Variants in SLC5A8 observed in about 807,000 individuals in gnomAD.
The protein encoded by SLC5A8 is solute carrier family 5 member 8.
In SLC5A8, 55 loss-of-function variants were observed where a neutral mutation model predicts 71.9. The observed-to-expected ratio is 0.77, with a 90% confidence interval of 0.62 to 0.96. The LOEUF (loss-of-function observed/expected upper bound fraction) is 0.96, where lower values mean the gene tolerates loss of function less well. Among genes scored for constraint, SLC5A8 ranks in the 40% least tolerant of loss-of-function variants. The probability of loss-of-function intolerance (pLI) is 0.00; values close to 1 mark genes in which losing one functional copy is unlikely to be tolerated. For missense variants in SLC5A8, 701 were observed against 745.3 expected (o/e 0.94, Z 0.69); for synonymous variants, 307 against 276.1 (o/e 1.11, Z -1.11).
intron 13 of SLC5A8, among the ~76,000 whole-genome samples, chr12:101,158,679 T>A (rs2051698382): frequency 7.0e-6 from 1 of 142,080 alleles, no homozygotes; most frequent in Non-Finnish European, 1.5e-5. Context: ...GCAAGCCAAC[T>A]GCTTCATCTG....
chr12:101,178,822 T>TAAAAAAAAAAAAAAAAAA (rs3084371), intron 10 of SLC5A8, among the ~76,000 whole-genome samples: 1 of 146,968 alleles, frequency 6.8e-6, no homozygotes. Flanking sequence ...TTATCCAAAC[T>TAAAAAAAAAAAAAAAAAA]AAAAAAAAAA....
At chr12:101,178,001 T>C (rs1231491896) in intron 10 of SLC5A8, among the ~76,000 whole-genome samples, 1 of 152,066 alleles carries the variant, frequency 6.6e-6, no homozygotes, top group Non-Finnish European at 1.5e-5. Flanking sequence ...CAAAACAAAC[T>C]AAACCATAAA....
intron 3 of SLC5A8, among the ~76,000 whole-genome samples, chr12:101,197,088 G>A (rs1208522420): frequency 6.6e-6 from 1 of 152,162 alleles, no homozygotes; most frequent in East Asian, 1.9e-4. Flanking sequence ...CCATGAGTTC[G>A]TAAGAATTTT....
At chr12:101,184,949 G>A (rs750820554) in intron 7 of SLC5A8, among the ~76,000 whole-genome samples, 11 of 152,172 alleles carry the variant, frequency 7.2e-5, no homozygotes, top group Admixed American at 5.2e-4. Context: ...ATCAGTTTCC[G>A]AATCAAAAGA....
At chr12:101,164,619 C>T (rs1392765600) in intron 12 of SLC5A8, among the ~76,000 whole-genome samples, 2 of 151,724 alleles carry the variant, frequency 1.3e-5, no homozygotes, top group Non-Finnish European at 2.9e-5. Context: ...TTTCTTCATT[C>T]TGCGACACAC....
chr12:101,186,021 G>A (rs1316897941), intron 7 of SLC5A8, among the ~76,000 whole-genome samples: 2 of 151,432 alleles, frequency 1.3e-5, no homozygotes, highest in African/African-American at 4.9e-5. Context: ...CTAAGCGTAT[G>A]CAAGCAAGAC....
intron 6 of SLC5A8, among the ~76,000 whole-genome samples, chr12:101,188,391 G>A (rs1395475765): frequency 6.6e-6 from 1 of 152,268 alleles, no homozygotes; most frequent in Non-Finnish European, 1.5e-5. Flanking sequence ...CACTGGTGCT[G>A]TAGTGGACAG....
At chr12:101,166,977 T>C (rs1593363401) in intron 11 of SLC5A8, among the ~76,000 whole-genome samples, 1 of 151,678 alleles carries the variant, frequency 6.6e-6, no homozygotes, top group East Asian at 1.9e-4. Context: ...GTGAAAAACC[T>C]GGACATGGTT....
At chr12:101,168,770 G>C (rs2051797713) in intron 10 of SLC5A8, among the ~76,000 whole-genome samples, 1 of 152,132 alleles carries the variant, frequency 6.6e-6, no homozygotes. Flanking sequence ...TAGTAAAAAA[G>C]ATTTACAGTG....
chr12:101,158,592 CTCTCTCTATATATATATA>C (rs1191348452), intron 13 of SLC5A8, among the ~76,000 whole-genome samples: 12 of 25,928 alleles, frequency 4.6e-4, no homozygotes, highest in South Asian at 1.3e-3. Context: ...CTCTCTCTCT[CTCTCTCTATATATATATA>C]TATATATATA....
chr12:101,158,586 CTCTCTCTCTCTCTATATATATATATATA>C (rs1277016732), intron 13 of SLC5A8, among the ~76,000 whole-genome samples: 48 of 42,480 alleles, frequency 1.1e-3, no homozygotes, highest in African/African-American at 3.8e-3. Flanking sequence ...CTCTCTCTCT[CTCTCTCTCTCTCTATATATATATATATA>C]TATATATATA....
intron 13 of SLC5A8, among the ~76,000 whole-genome samples, chr12:101,160,691 G>A (rs1223741132): frequency 3.9e-5 from 6 of 152,068 alleles, no homozygotes; most frequent in East Asian, 3.9e-4. Context: ...CCCTGCCCTC[G>A]TTCCCCTACA....
intron 3 of SLC5A8, among the ~76,000 whole-genome samples, chr12:101,201,752 AGAAG>A (rs1869462823): frequency 1.3e-5 from 2 of 152,280 alleles, no homozygotes; most frequent in South Asian, 4.1e-4. Flanking sequence ...AGAAGTGTGG[AGAAG>A]AAAAGCTTTT....
rs1189813209 is a variant in SLC5A8, at chr12:101,179,934, G to C, written c.1233+95C>G. The stretch of plus-strand genomic sequence containing the variant: ...CTGCCACTTGATATGTCCAGGTGTC[G>C]ATATATATCGAGAGAAGTCTGGAAG... On this transcript the variant is annotated intron_variant, in intron 10 of 14. Transcript: ENST00000536262. 11 of 1,290,882 alleles carry C rather than the reference G, an allele frequency of 8.5e-6. No homozygotes were observed. The Admixed American group carries it at 1.5e-4, about 18-fold the overall frequency. The allele number at this position is 1,290,882 out of a possible 1,614,324, so 80.0% of individuals were successfully genotyped here. A position where few individuals can be genotyped will look rare whatever the true frequency, so the allele number is the denominator to read the frequency against.
rs951727789 is a variant in SLC5A8 at position 101,179,589 on chromosome 12, T to C, written c.1233+440A>G. 3.9e-5 allele frequency among the ~76,000 whole-genome samples: 6 copies of C among 152,202 alleles called. No individual in the cohort carries two copies. In the South Asian group the frequency reaches 6.2e-4, roughly 16 times the overall value. ...TAGCATTCTTGACCTGGTAAAATTA[T>C]AGAAATGGAAAACAGATTAGTTGTT... is the stretch of plus-strand genomic sequence containing the variant. On this transcript the variant is annotated intron_variant, in intron 10 of 14. Coordinates refer to ENST00000536262, the MANE Select transcript of SLC5A8 (RefSeq NM_145913.5).
At position 101,166,619 on chromosome 12, in the gene SLC5A8, AG is replaced by A. The variant is rs1476063461; in HGVS notation, c.1400del (p.Pro467LeufsTer23). 1 of 1,613,962 alleles carries A rather than the reference AG, an allele frequency of 6.2e-7. No individual in the cohort carries two copies. The highest frequency in any genetic ancestry group is 2.2e-5 in the East Asian group (1 of 44,854). ...GIGAQIYPPL[P>X]ERTLPLHLDI... ...CAAGGTGCAATGGCAATGTTCTCTC[AG>A]GAAGTGGAGGATATATTTGAGCTCC... On this transcript the variant is annotated frameshift_variant, in exon 12 of 15. Transcript: ENST00000536262. LOFTEE classifies it high-confidence loss of function.
chr12:101,196,113 T>C (rs556603573), intron 3 of SLC5A8, among the ~76,000 whole-genome samples: 1 of 152,276 alleles, frequency 6.6e-6, no homozygotes, highest in East Asian at 1.9e-4. Flanking sequence ...GTATCAAGCC[T>C]AGTACCCATT....
At chr12:101,189,804 A>G (rs1459364934) in intron 6 of SLC5A8, among the ~76,000 whole-genome samples, 1 of 152,182 alleles carries the variant, frequency 6.6e-6, no homozygotes, top group Non-Finnish European at 1.5e-5. Flanking sequence ...TCTCTCATCC[A>G]TCCTCCACCT....
At chr12:101,180,193 A>T in intron 9 of SLC5A8, 97 bp from the exon 10 acceptor site, 1 of 1,259,272 alleles carries the variant, frequency 7.9e-7, no homozygotes, top group Non-Finnish European at 1.2e-6. Context: ...AAAGTGGATA[A>T]TATGACTGTG....
Sources: gnomAD v4.1 joint callset for allele counts (sites outside exome capture counted in the v4.1 genomes callset) on GRCh38, gnomAD v4.1.1 for gene constraint, MANE v1.5 for transcripts, NCBI Gene and HGNC (gene_info 2026-07-23, HGNC 2026-07-21) for gene names.